The following GPC5 variants were observed in gnomAD, a reference collection of about 807,000 sequenced individuals.
GPC5 encodes the protein glypican 5.
A neutral mutation model predicts 53.9 loss-of-function variants in GPC5; 47 were observed. The observed-to-expected ratio is 0.87, with a 90% CI of 0.69 to 1.11. GPC5 has a LOEUF of 1.11. Ranked by LOEUF, GPC5 falls within the 50% of genes most tolerant of loss-of-function variation. The pLI, the probability that GPC5 is intolerant of heterozygous loss-of-function variation, is 0.00. For missense variants in GPC5, 748 were observed against 713.1 expected (o/e 1.05, Z -0.56); for synonymous variants, 286 against 263.3 (o/e 1.09, Z -0.84).
intron 7 of GPC5, among the ~76,000 whole-genome samples, chr13:92,460,469 T>A (rs1173104630): frequency 4.6e-5 from 7 of 152,178 alleles, no homozygotes; most frequent in Admixed American, 4.6e-4. Flanking sequence ...GTCCAATATA[T>A]GCTAAGCATT....
At chr13:91,896,279 C>T (rs2039441488) in intron 5 of GPC5, among the ~76,000 whole-genome samples, 1 of 151,950 alleles carries the variant, frequency 6.6e-6, no homozygotes, top group South Asian at 2.1e-4. Context: ...GCCACCAAGG[C>T]CTGCTAACTT....
intron 6 of GPC5, among the ~76,000 whole-genome samples, chr13:92,044,975 G>T (rs1272605665): frequency 6.6e-6 from 1 of 152,056 alleles, no homozygotes; most frequent in Non-Finnish European, 1.5e-5. Flanking sequence ...TTCTAAATAG[G>T]TTCATATTTC....
At chr13:91,643,543 G>A (rs756971872) in intron 2 of GPC5, among the ~76,000 whole-genome samples, 10 of 152,182 alleles carry the variant, frequency 6.6e-5, no homozygotes, top group Non-Finnish European at 1.3e-4. Flanking sequence ...TTTTGGTGAT[G>A]TTAGGCTGTA....
At chr13:91,880,284 TTA>T (rs576023614) in intron 5 of GPC5, among the ~76,000 whole-genome samples, 232 of 152,182 alleles carry the variant, frequency 1.5e-3, no homozygotes, top group Non-Finnish European at 2.9e-3. Flanking sequence ...TGCTGTATTT[TTA>T]TGTTTTTCTC....
intron 7 of GPC5, among the ~76,000 whole-genome samples, chr13:92,566,312 C>A (rs16947802): frequency 0.1 from 15,840 of 152,054 alleles, 1,167 homozygotes; most frequent in African/African-American, 0.2. Flanking sequence ...GAGTAAAAAT[C>A]AAAATGTTTG....
At chr13:92,000,657 T>G (rs1203332504) in intron 6 of GPC5, among the ~76,000 whole-genome samples, 1 of 152,128 alleles carries the variant, frequency 6.6e-6, no homozygotes, top group Non-Finnish European at 1.5e-5. Flanking sequence ...CCCTGCTGGA[T>G]GGCCAGAATC....
chr13:91,443,386 G>A (rs929301102), intron 1 of GPC5, among the ~76,000 whole-genome samples: 12 of 152,124 alleles, frequency 7.9e-5, no homozygotes, highest in African/African-American at 2.7e-4. Flanking sequence ...GCAAGCCAAC[G>A]AGAGACCAAC....
chr13:92,496,265 G>T (rs555976547), intron 7 of GPC5, among the ~76,000 whole-genome samples: 2 of 152,198 alleles, frequency 1.3e-5, no homozygotes, highest in South Asian at 4.1e-4. Flanking sequence ...ATTTGTAATA[G>T]CAATGAATCA....
intron 7 of GPC5, among the ~76,000 whole-genome samples, chr13:92,163,424 G>T (rs1378534653): frequency 1.4e-5 from 2 of 143,336 alleles, no homozygotes; most frequent in Non-Finnish European, 3.0e-5. Context: ...TTGCACCACT[G>T]CAGTCCTGCC....
intron 6 of GPC5, among the ~76,000 whole-genome samples, chr13:92,074,484 G>C (rs1310007538): frequency 2.6e-5 from 4 of 152,144 alleles, no homozygotes; most frequent in Non-Finnish European, 5.9e-5. Flanking sequence ...TATAAGTGTG[G>C]GGGAGCTGTG....
chr13:91,964,477 T>C (rs1308210473), intron 6 of GPC5, among the ~76,000 whole-genome samples: 2 of 152,142 alleles, frequency 1.3e-5, no homozygotes, highest in African/African-American at 4.8e-5. Flanking sequence ...CATTTATAAA[T>C]CTTTAGCTAG....
At chr13:92,559,758 A>C (rs1256026114) in intron 7 of GPC5, among the ~76,000 whole-genome samples, 1 of 151,480 alleles carries the variant, frequency 6.6e-6, no homozygotes, top group Admixed American at 6.6e-5. Context: ...CTGTCTTCTG[A>C]TGACCGTGGT....
intron 7 of GPC5, among the ~76,000 whole-genome samples, chr13:92,747,098 A>G (rs562366818): frequency 2.0e-5 from 3 of 152,172 alleles, no homozygotes; most frequent in African/African-American, 2.4e-5. Context: ...GACCACTATC[A>G]TATATGTGGC....
At chr13:92,371,994 C>T (rs2043654290) in intron 7 of GPC5, among the ~76,000 whole-genome samples, 1 of 152,192 alleles carries the variant, frequency 6.6e-6, no homozygotes, top group Admixed American at 6.5e-5. Flanking sequence ...GAATGGCCCC[C>T]AGGTGACAGC....
chr13:92,728,591 TAGGAATTTA>T (rs568550170), intron 7 of GPC5, among the ~76,000 whole-genome samples: 7,842 of 151,360 alleles, frequency 0.052, 597 homozygotes, highest in East Asian at 0.33. Flanking sequence ...AAAACGGGGG[TAGGAATTTA>T]AATGTTGACA....
At chr13:92,463,566 A>G (rs1878577220) in intron 7 of GPC5, among the ~76,000 whole-genome samples, 1 of 151,796 alleles carries the variant, frequency 6.6e-6, no homozygotes, top group African/African-American at 2.4e-5. Flanking sequence ...TGTGATCTTT[A>G]AACTATTTTT....
intron 7 of GPC5, among the ~76,000 whole-genome samples, chr13:92,777,629 A>C (rs1875867805): frequency 6.6e-6 from 1 of 152,238 alleles, no homozygotes; most frequent in South Asian, 2.1e-4. Context: ...AAACAAAACA[A>C]AACAAAGACT....
At chr13:91,770,320 T>C (rs1201729161) in intron 5 of GPC5, among the ~76,000 whole-genome samples, 4 of 152,152 alleles carry the variant, frequency 2.6e-5, no homozygotes, top group African/African-American at 7.2e-5. Flanking sequence ...GGCTTCATCA[T>C]GTAGACATGA....
intron 7 of GPC5, among the ~76,000 whole-genome samples, chr13:92,472,749 A>G (rs1298460463): frequency 6.6e-6 from 1 of 152,114 alleles, no homozygotes; most frequent in Non-Finnish European, 1.5e-5. Flanking sequence ...TTTAGACATC[A>G]TCGACTCAGT....
Sources: gnomAD v4.1 joint callset for allele counts (sites outside exome capture counted in the v4.1 genomes callset) on GRCh38, gnomAD v4.1.1 for gene constraint, MANE v1.5 for transcripts, NCBI Gene and HGNC (gene_info 2026-07-23, HGNC 2026-07-21) for gene names.